The following BAZ2B variants were observed in gnomAD, a reference collection of about 807,000 sequenced individuals.
BAZ2B encodes the protein bromodomain adjacent to zinc finger domain protein 2B.
In BAZ2B, 91 loss-of-function variants were observed where a neutral mutation model predicts 246.0. The ratio of observed to expected loss-of-function variants is 0.37; its 90% CI spans 0.31 to 0.44. BAZ2B has a LOEUF of 0.44. Among genes scored for constraint, BAZ2B ranks in the 20% least tolerant of loss-of-function variants. The pLI is 1.00. For missense variants in BAZ2B, 2,332 were observed against 2,533.7 expected (o/e 0.92, Z 1.71); for synonymous variants, 855 against 860.0 (o/e 0.99, Z 0.10).
intron 6 of BAZ2B, among the ~76,000 whole-genome samples, chr2:159,443,216 G>A (rs1281730786): frequency 6.6e-6 from 1 of 152,164 alleles, no homozygotes; most frequent in African/African-American, 2.4e-5. Flanking sequence ...GTTGTGGTAA[G>A]AATAACTTGT....
At chr2:159,363,414 T>C (rs1010362539) in intron 27 of BAZ2B, among the ~76,000 whole-genome samples, 2 of 152,184 alleles carry the variant, frequency 1.3e-5, no homozygotes, top group Non-Finnish European at 2.9e-5. Context: ...GAATGTTGGA[T>C]GACCGAATCA....
chr2:159,655,153 GAAGA>G, the BAZ2B span, among the ~76,000 whole-genome samples: 4 of 152,066 alleles, frequency 2.6e-5, no homozygotes, highest in Admixed American at 6.6e-5. Context: ...CATTAAAAGT[GAAGA>G]AAGAGGCTGA....
intron 34 of BAZ2B, among the ~76,000 whole-genome samples, chr2:159,327,434 CATATG>C (rs1306198863): frequency 6.6e-6 from 1 of 152,100 alleles, no homozygotes; most frequent in Non-Finnish European, 1.5e-5. Flanking sequence ...ACACTTTCAC[CATATG>C]ATATCAAAGA....
rs551712490 is a variant in BAZ2B at position 159,475,796 on chromosome 2, TCTAA to T, written c.145+2775_145+2778del. Among the ~76,000 whole-genome samples, 289 of 152,332 alleles carry T rather than the reference TCTAA, an allele frequency of 1.9e-3. 1 individual carries two copies. The highest frequency in any genetic ancestry group is 6.3e-3 in the African/African-American group (263 of 41,572). ...TTCCTTTCTGTTTGTTAGTTTTCCTTCTAACAGGCCTCTCTGCTACAGGTCTGCT... is the reference window on the plus strand; with the variant it reads ...TTCCTTTCTGTTTGTTAGTTTTCCTTCAGGCCTCTCTGCTACAGGTCTGCT... On this transcript the variant is annotated intron_variant, in intron 3 of 36. Coordinates refer to ENST00000392783, the MANE Select transcript of BAZ2B (RefSeq NM_013450.4).
chr2:159,399,002 T>C (rs2064513572), intron 17 of BAZ2B, 108 bp from the exon 18 acceptor site: 1 of 920,322 alleles, frequency 1.1e-6, no homozygotes, highest in Non-Finnish European at 1.7e-6. Flanking sequence ...CGAAACAGTA[T>C]GTAACACATA....
At chr2:159,377,053 G>C (rs987704223) in intron 25 of BAZ2B, among the ~76,000 whole-genome samples, 3 of 152,122 alleles carry the variant, frequency 2.0e-5, no homozygotes, top group Non-Finnish European at 4.4e-5. Flanking sequence ...CAACTCTACG[G>C]AATGAAGGAA....
At chr2:159,344,571 C>T (rs567562046) in intron 31 of BAZ2B, among the ~76,000 whole-genome samples, 8 of 151,714 alleles carry the variant, frequency 5.3e-5, no homozygotes, top group African/African-American at 1.4e-4. Context: ...ATCTGCATCC[C>T]GATGTTTACT....
At chr2:159,341,370 C>T (rs1181537911) in intron 31 of BAZ2B, among the ~76,000 whole-genome samples, 2 of 152,090 alleles carry the variant, frequency 1.3e-5, no homozygotes, top group East Asian at 3.9e-4. Flanking sequence ...TAACAGAGCA[C>T]TCAATACATA....
At position 159,433,145 on chromosome 2, in the gene BAZ2B, TTCTTG is replaced by T. The variant is rs2071463349; in HGVS notation, c.1507_1511del (p.Gln503SerfsTer10). On this transcript the variant is annotated frameshift_variant, in exon 9 of 37. Transcript: ENST00000392783. LOFTEE classifies it high-confidence loss of function. ...TTTTGGTAGTAAGTGCTAGAGGAGC[TTCTTG>T]AATGACACTTTGAATAACTCCATTT... 1.2e-6 allele frequency: 2 copies of T among 1,614,078 alleles called. No individual in the cohort carries two copies. Among genetic ancestry groups the T allele is most frequent in the Non-Finnish European group, 1.7e-6 (2 of 1,180,038 alleles).
intron 10 of BAZ2B, 22 bp downstream of exon 10, chr2:159,430,841 A>T: frequency 6.3e-7 from 1 of 1,590,726 alleles, no homozygotes; most frequent in Non-Finnish European, 8.5e-7. Context: ...ACTTTAGAAT[A>T]ATAAAAATAA....
chr2:159,398,405 TAAC>T (rs1444170216), intron 18 of BAZ2B: 1 of 153,078 alleles, frequency 6.5e-6, no homozygotes, highest in Non-Finnish European at 1.5e-5. Flanking sequence ...TGCTGAATAT[TAAC>T]AAAGAAAAAG....
At chr2:159,702,752 T>G in the BAZ2B span, among the ~76,000 whole-genome samples, 1 of 152,128 alleles carries the variant, frequency 6.6e-6, no homozygotes, top group African/African-American at 2.4e-5. Flanking sequence ...GTTTAAAACT[T>G]TCTTTTGGCC....
At chr2:159,447,836 G>A (rs2074467812) in intron 5 of BAZ2B, among the ~76,000 whole-genome samples, 1 of 152,184 alleles carries the variant, frequency 6.6e-6, no homozygotes, top group Non-Finnish European at 1.5e-5. Context: ...ATTAAGGCCG[G>A]GTGTGGTGGC....
chr2:159,435,587 C>G (rs539942842), intron 8 of BAZ2B: 1 of 152,402 alleles, frequency 6.6e-6, no homozygotes, highest in South Asian at 2.1e-4. Context: ...ATCTCTTGAC[C>G]TTGTGATTCG....
chr2:159,457,983 A>G (rs2075981821), intron 3 of BAZ2B, among the ~76,000 whole-genome samples: 2 of 152,072 alleles, frequency 1.3e-5, no homozygotes, highest in Non-Finnish European at 1.5e-5. Flanking sequence ...AACCTCTTAT[A>G]TAAGTCTGGC....
chr2:159,625,398 A>G, the BAZ2B span, among the ~76,000 whole-genome samples: 1 of 152,206 alleles, frequency 6.6e-6, no homozygotes, highest in African/African-American at 2.4e-5. Flanking sequence ...GGTTGAAATG[A>G]AGGAAAAAAT....
the BAZ2B span, among the ~76,000 whole-genome samples, chr2:159,653,105 T>A: frequency 6.6e-6 from 1 of 152,012 alleles, no homozygotes. Flanking sequence ...ACTTGGCTAA[T>A]TTTTTTATAC....
At chr2:159,514,284 C>A (rs146395569) in intron 2 of BAZ2B, among the ~76,000 whole-genome samples, 4 of 152,128 alleles carry the variant, frequency 2.6e-5, no homozygotes, top group Non-Finnish European at 5.9e-5. Context: ...AAATTAAATA[C>A]GGAAATAAAA....
At chr2:159,328,739 T>A (rs1353683131) in intron 34 of BAZ2B, among the ~76,000 whole-genome samples, 1 of 152,186 alleles carries the variant, frequency 6.6e-6, no homozygotes, top group Non-Finnish European at 1.5e-5. Flanking sequence ...TTTGTGTGTG[T>A]ATGTGTGTGT....
Sources: gnomAD v4.1 joint callset for allele counts (sites outside exome capture counted in the v4.1 genomes callset) on GRCh38, gnomAD v4.1.1 for gene constraint, MANE v1.5 for transcripts, NCBI Gene and HGNC (gene_info 2026-07-23, HGNC 2026-07-21) for gene names.